CACNA1C: variants seen among roughly 807,000 people sequenced by gnomAD.
CACNA1C encodes calcium voltage-gated channel subunit alpha1 C.
CACNA1C carries 30 observed loss-of-function variants against 229.0 expected under a neutral mutation model. That is an observed-to-expected ratio of 0.13 (90% CI 0.10 to 0.18). CACNA1C has a LOEUF of 0.18. Ranked by LOEUF, CACNA1C falls within the 10% of genes least tolerant of loss-of-function variation. CACNA1C has a pLI of 1.00. For missense variants in CACNA1C, 1,658 were observed against 2,845.0 expected, an observed-to-expected ratio of 0.58 and a Z score of 9.49; for synonymous variants, 1,114 against 1,132.5, an observed-to-expected ratio of 0.98 and a Z score of 0.33.
Position 2,458,234 on chromosome 12 carries a change from C to T in CACNA1C, c.757+528C>T, listed in dbSNP as rs369020190. The stretch of plus-strand genomic sequence containing the variant: ...CAGGAGCCCTACTGGAAATACCACG[C>T]CTGTCATTGTGAGAACTTATTTTTC... On this transcript the variant is annotated intron_variant, in intron 5 of 46. Coordinates refer to ENST00000399655, the MANE Select transcript of CACNA1C (RefSeq NM_000719.7). Among the ~76,000 whole-genome samples, 15 of 152,344 alleles carry T rather than the reference C, an allele frequency of 9.8e-5. No individual in the cohort carries two copies. In the East Asian group the frequency reaches 1.3e-3, roughly 14 times the overall value.
intron 3 of CACNA1C, among the ~76,000 whole-genome samples, chr12:2,367,239 G>A (rs2097749432): frequency 6.6e-6 from 1 of 152,188 alleles, no homozygotes; most frequent in African/African-American, 2.4e-5. Context: ...TCACAATAGT[G>A]CTCGAGCTCT....
intron 18 of CACNA1C, among the ~76,000 whole-genome samples, chr12:2,590,359 C>G (rs2064680009): frequency 6.6e-6 from 1 of 152,134 alleles, no homozygotes; most frequent in African/African-American, 2.4e-5. Context: ...TGCTTTTTTC[C>G]AAACCTCCAA....
At chr12:2,682,814 G>T in intron 43 of CACNA1C, 136 bp downstream of exon 43, 3 of 544,468 alleles carry the variant, frequency 5.5e-6, no homozygotes, top group Non-Finnish European at 7.7e-6. Flanking sequence ...CATCTGCACC[G>T]CCTCTTTCAT....
chr12:2,214,308 C>T (rs140267397), intron 3 of CACNA1C, among the ~76,000 whole-genome samples: 5 of 152,244 alleles, frequency 3.3e-5, no homozygotes, highest in Non-Finnish European at 5.9e-5. Flanking sequence ...GTAACTTGCT[C>T]GACCCCTCTG....
At chr12:2,552,953 A>C (rs2042120870) in intron 10 of CACNA1C, among the ~76,000 whole-genome samples, 1 of 152,224 alleles carries the variant, frequency 6.6e-6, no homozygotes, top group South Asian at 2.1e-4. Context: ...GGAAGAGGTG[A>C]AACAAGCTGT....
At chr12:2,352,620 C>T (rs924883838) in intron 3 of CACNA1C, among the ~76,000 whole-genome samples, 1 of 151,742 alleles carries the variant, frequency 6.6e-6, no homozygotes, top group Non-Finnish European at 1.5e-5. Context: ...CTCTGTGGAC[C>T]GTTGAGTGTC....
chr12:2,137,667 T>C (rs1195091983), intron 3 of CACNA1C, among the ~76,000 whole-genome samples: 2 of 151,388 alleles, frequency 1.3e-5, no homozygotes, highest in Non-Finnish European at 3.0e-5. Flanking sequence ...ACTAGACAGA[T>C]ATATTTGTCT....
At position 1,976,008 on chromosome 12, in the gene CACNA1C, A is replaced by C. The variant is rs560070890; in HGVS notation, c.139+4807A>C. 3.2e-4 allele frequency among the ~76,000 whole-genome samples: 48 copies of C among 152,312 alleles called. 1 individual carries two copies. The East Asian group carries it at 8.5e-3, about 27-fold the overall frequency. On this transcript the variant is annotated intron_variant, in intron 1 of 46. Coordinates refer to the CACNA1C transcript ENST00000682462. ...CTGGTGTCACAACTCAACACACAGA[A>C]AAATAGAAATACGAAATCCAGAGAT...
At chr12:2,553,234 G>C (rs1181526341) in intron 10 of CACNA1C, among the ~76,000 whole-genome samples, 2 of 152,158 alleles carry the variant, frequency 1.3e-5, no homozygotes, top group African/African-American at 2.4e-5. Flanking sequence ...AGGCTGGGGT[G>C]GGGGGCGGAA....
chr12:2,015,788 C>T (rs577239455), intron 1 of CACNA1C, among the ~76,000 whole-genome samples: 10 of 152,286 alleles, frequency 6.6e-5, no homozygotes, highest in Admixed American at 6.5e-4. Context: ...GTTCAGATCT[C>T]TCTCAGCTAG....
intron 3 of CACNA1C, among the ~76,000 whole-genome samples, chr12:2,229,601 G>A (rs1434458991): frequency 6.6e-6 from 1 of 152,172 alleles, no homozygotes; most frequent in Non-Finnish European, 1.5e-5. Context: ...TGGGGTGTGA[G>A]TGGAGGTTTA....
Position 2,438,198 on chromosome 12 carries a change from C to T in CACNA1C, c.478-10778C>T, listed in dbSNP as rs375794549. Among the ~76,000 whole-genome samples the T allele has an allele frequency of 1.0e-4, 10 of 99,266 alleles. 1 individual carries two copies. In the South Asian group the frequency reaches 1.2e-3, roughly 11 times the overall value. 65.1% of individuals were successfully genotyped at this position (99,266 alleles called of 152,430 possible). A position where few individuals can be genotyped will look rare whatever the true frequency, so the allele number is the denominator to read the frequency against. On this transcript the variant is annotated intron_variant, in intron 3 of 46. Transcript: ENST00000399655. ...GGTGGGGATGGTGGGATAATGACGGCGATGGTGATGGTGGTGGTGGTGGTG... is the reference window on the plus strand; with the variant it reads ...GGTGGGGATGGTGGGATAATGACGGTGATGGTGATGGTGGTGGTGGTGGTG...
chr12:2,041,530 C>T (rs2050112981), intron 1 of CACNA1C, among the ~76,000 whole-genome samples: 1 of 152,132 alleles, frequency 6.6e-6, no homozygotes, highest in African/African-American at 2.4e-5. Context: ...CCCGCCTCGG[C>T]CTCCCAAAGT....
intron 9 of CACNA1C, among the ~76,000 whole-genome samples, chr12:2,532,475 C>G (rs925043264): frequency 4.6e-5 from 7 of 152,232 alleles, no homozygotes. Flanking sequence ...TCTGCTTTCC[C>G]CAAATCAGGC....
chr12:2,266,690 C>T (rs547788886), intron 3 of CACNA1C, among the ~76,000 whole-genome samples: 1 of 152,354 alleles, frequency 6.6e-6, no homozygotes, highest in African/African-American at 2.4e-5. Context: ...AGTCTTCCCA[C>T]TTCAAGGAAT....
At chr12:2,682,982 G>A (rs2097252717) in intron 43 of CACNA1C, among the ~76,000 whole-genome samples, 1 of 29,586 alleles carries the variant, frequency 3.4e-5, no homozygotes. Flanking sequence ...TATAAACATT[G>A]TAGGCTGTAA....
At chr12:2,027,389 G>C (rs963673579) in intron 1 of CACNA1C, among the ~76,000 whole-genome samples, 13 of 152,158 alleles carry the variant, frequency 8.5e-5, no homozygotes, top group Middle Eastern at 3.4e-3. Flanking sequence ...AAGCTCCTTT[G>C]CTTTAATGCT....
At chr12:2,301,640 G>T (rs2094568203) in intron 3 of CACNA1C, among the ~76,000 whole-genome samples, 1 of 152,174 alleles carries the variant, frequency 6.6e-6, no homozygotes, top group Non-Finnish European at 1.5e-5. Flanking sequence ...CTTGACCACA[G>T]TACCCTTCTC....
At chr12:2,046,833 C>T (rs569711529) in intron 1 of CACNA1C, among the ~76,000 whole-genome samples, 2 of 152,208 alleles carry the variant, frequency 1.3e-5, no homozygotes, top group South Asian at 4.1e-4. Context: ...TCTGGTCCAT[C>T]CTATGGCTTC....
Sources: gnomAD v4.1 joint callset for allele counts (sites outside exome capture counted in the v4.1 genomes callset) on GRCh38, gnomAD v4.1.1 for gene constraint, MANE v1.5 for transcripts, NCBI Gene and HGNC (gene_info 2026-07-23, HGNC 2026-07-21) for gene names.